Variants in IDUA observed in about 807,000 individuals in gnomAD.
IDUA encodes alpha-L-iduronidase.
Under a neutral mutation model 68.9 loss-of-function variants are expected in IDUA, and 65 were observed. That is an observed-to-expected ratio of 0.94 (90% CI 0.77 to 1.16). The LOEUF (loss-of-function observed/expected upper bound fraction) is 1.16, where lower values mean the gene tolerates loss of function less well. Ranked by LOEUF, IDUA falls within the 50% of genes most tolerant of loss-of-function variation. The pLI, the probability that IDUA is intolerant of heterozygous loss-of-function variation, is 0.00. For synonymous variants in IDUA, 529 were observed against 433.6 expected (o/e 1.22, Z -2.73); for missense variants, 1,046 against 938.0 (o/e 1.12, Z -1.50).
chr4:1,002,334 G>C lies in IDUA; in HGVS notation c.1038G>C (p.Leu346=), dbSNP rs758334375. 6.2e-7 allele frequency: 1 copy of C among 1,613,256 alleles called. No individual in the cohort carries two copies. Among genetic ancestry groups the C allele is most frequent in the South Asian group, 1.1e-5 (1 of 91,070 alleles). The change falls in exon 8 of 14, where the codon CTG becomes CTC. Residue 346 remains leucine (L), a synonymous_variant. Transcript: ENST00000514224. ...CCTCCGCCTTCCCCTACGCGCTCCT[G>C]AGCAACGACAATGCCTTCCTGAGCT... ...NTTSAFPYAL[L]SNDNAFLSYH...
chr4:999,188 G>C (rs1286955670), intron 2 of IDUA, among the ~76,000 whole-genome samples: 3 of 148,638 alleles, frequency 2.0e-5, no homozygotes, highest in Admixed American at 6.7e-5. Context: ...CTGGGCAACA[G>C]AGTGAGACTC....
Position 1,000,592 on chromosome 4 carries a change from C to T in IDUA, c.300-20C>T, listed in dbSNP as rs374050415. On this transcript the variant is annotated intron_variant, in intron 2 of 13. Coordinates refer to ENST00000514224, the MANE Select transcript of IDUA (RefSeq NM_000203.5). ...GCTGTGTGGGCACCCTGCTTCCTGA[C>T]GCTGACCGTCCTTCTGCAGGGGGTC... 167 of 1,599,622 alleles carry T rather than the reference C, an allele frequency of 1.0e-4. No homozygotes were observed. The highest frequency in any genetic ancestry group is 3.2e-4 in the South Asian group (29 of 90,780).
intron 2 of IDUA, among the ~76,000 whole-genome samples, chr4:996,958 C>T (rs1314762330): frequency 6.6e-6 from 1 of 151,036 alleles, no homozygotes; most frequent in Non-Finnish European, 1.5e-5. Context: ...TGCCTGAATC[C>T]GCCTCCCTCC....
chr4:990,753 C>G (rs1335544933), intron 2 of IDUA: 2 of 389,204 alleles, frequency 5.1e-6, no homozygotes, highest in Non-Finnish European at 9.3e-6. Flanking sequence ...CCAAGGTGGA[C>G]AGGCCAAGGC....
chr4:988,847 C>A (rs778948120), intron 2 of IDUA: 1 of 1,599,744 alleles, frequency 6.3e-7, no homozygotes, highest in Admixed American at 1.7e-5. Flanking sequence ...AGATGGGCAT[C>A]GGTGGCCTCC....
chr4:1,000,714 G>A lies in IDUA; in HGVS notation c.385+17G>A. ...TCCTCCCAGGTGAGCTGTGGGCTCT[G>A]CCCTCCCAGCCCGCCTGCACCCCCT... On this transcript the variant is annotated intron_variant, in intron 3 of 13. Transcript: ENST00000514224. 6.3e-7 allele frequency: 1 copy of A among 1,588,218 alleles called. No individual in the cohort carries two copies. The highest frequency in any genetic ancestry group is 8.6e-7 in the Non-Finnish European group (1 of 1,158,462).
chr4:996,121 C>T (rs1024793102), intron 2 of IDUA, among the ~76,000 whole-genome samples: 1 of 152,204 alleles, frequency 6.6e-6, no homozygotes, highest in Non-Finnish European at 1.5e-5. Flanking sequence ...GAGTCTGAGC[C>T]CTTGCTTCCA....
intron 2 of IDUA, among the ~76,000 whole-genome samples, chr4:999,066 G>C (rs551322111): frequency 6.6e-6 from 1 of 152,164 alleles, no homozygotes; most frequent in East Asian, 1.9e-4. Flanking sequence ...TTAGCCGGGC[G>C]TGGTGGCGGG....
At chr4:995,801 C>T (rs1473515041) in intron 2 of IDUA, among the ~76,000 whole-genome samples, 2 of 152,212 alleles carry the variant, frequency 1.3e-5, no homozygotes, top group African/African-American at 4.8e-5. Context: ...CCCCACAGCC[C>T]TGGGTGAGCC....
Position 1,002,496 on chromosome 4 carries a change from GC to G in IDUA, c.1189+13del. On this transcript the variant is annotated intron_variant, in intron 8 of 13. Coordinates refer to ENST00000514224, the MANE Select transcript of IDUA (RefSeq NM_000203.5). ...TGCTGGCGCTGCTGGGTGAGCCGGG[GC>G]CGCTGGGGTGGGCCGGCCAGGGCCC... 1.3e-6 allele frequency: 2 copies of G among 1,521,704 alleles called. No homozygotes were observed. Among genetic ancestry groups the G allele is most frequent in the South Asian group, 2.5e-5 (2 of 79,754 alleles). 94.3% of individuals were successfully genotyped at this position (1,521,704 alleles called of 1,614,324 possible). A position where few individuals can be genotyped will look rare whatever the true frequency, so the allele number is the denominator to read the frequency against.
intron 4 of IDUA, 70 bp downstream of exon 4, chr4:1,001,059 C>T (rs1008976697): frequency 1.9e-6 from 2 of 1,058,932 alleles, no homozygotes; most frequent in African/African-American, 1.6e-5. Flanking sequence ...ACCCCTATCA[C>T]GCAGGCTGCT....
chr4:998,406 C>A (rs1458746233), intron 2 of IDUA, among the ~76,000 whole-genome samples: 2 of 152,152 alleles, frequency 1.3e-5, no homozygotes, highest in Non-Finnish European at 2.9e-5. Context: ...GGGCCAGATT[C>A]CGGTCCATGG....
In IDUA at chr4:991,813, T is replaced by TGGGGCGGACCCCTCGCCCACCCA. The variant is rs748558229; in HGVS notation, c.299+3868_299+3890dup. The stretch of plus-strand genomic sequence containing the variant: ...AGGTCCCCGGCAGCAACGGGCCCCT[T>TGGGGCGGACCCCTCGCCCACCCA]GGGGCGGACCCCTCGCCCACCCAGG... On this transcript the variant is annotated intron_variant, in intron 2 of 13. Transcript: ENST00000514224. The TGGGGCGGACCCCTCGCCCACCCA allele has an allele frequency of 5.9e-6, 9 of 1,532,846 alleles. No individual in the cohort carries two copies. In the South Asian group the frequency reaches 1.1e-4, roughly 18 times the overall value. The allele number at this position is 1,532,846 out of a possible 1,614,324, so 95.0% of individuals were successfully genotyped here. A position where few individuals can be genotyped will look rare whatever the true frequency, so the allele number is the denominator to read the frequency against.
At chr4:997,340 C>T (rs1428658445) in intron 2 of IDUA, among the ~76,000 whole-genome samples, 1 of 151,046 alleles carries the variant, frequency 6.6e-6, no homozygotes, top group Non-Finnish European at 1.5e-5. Flanking sequence ...CCCCGCACTC[C>T]CACCCCCACC....
In IDUA at chr4:1,003,390, C is replaced by T. The variant is rs1022872293; in HGVS notation, c.1570C>T (p.Leu524=). ...APRPLPAGGR[L]TLRPALRLPS... ...CCGCCCCTTACCCGCCGGCGGCCGCCTGACCCTGCGCCCCGCGCTGCGGCT... is the reference window on the plus strand; with the variant it reads ...CCGCCCCTTACCCGCCGGCGGCCGCTTGACCCTGCGCCCCGCGCTGCGGCT... Residue 524 remains leucine (L), a synonymous_variant, in exon 11 of 14, where the codon CTG becomes TTG. Transcript: ENST00000514224. The T allele has an allele frequency of 4.0e-6, 6 of 1,508,712 alleles. No homozygotes were observed. Among genetic ancestry groups the T allele is most frequent in the Admixed American group, 4.2e-5 (2 of 47,912 alleles). 93.5% of individuals were successfully genotyped at this position (1,508,712 alleles called of 1,614,324 possible).
chr4:991,179 G>C (rs1254839573), intron 2 of IDUA: 1 of 1,582,660 alleles, frequency 6.3e-7, no homozygotes, highest in South Asian at 1.2e-5. Context: ...GGATGGCGTA[G>C]CAGTCACGCC....
In IDUA at chr4:1,002,500, C is replaced by T. The variant is rs2153022459; in HGVS notation, c.1189+15C>T. 9 of 1,511,994 alleles carry T rather than the reference C, an allele frequency of 6.0e-6. No individual in the cohort carries two copies. The East Asian group carries it at 2.0e-4, about 34-fold the overall frequency. The allele number at this position is 1,511,994 out of a possible 1,614,324, so 93.7% of individuals were successfully genotyped here. ...GGCGCTGCTGGGTGAGCCGGGGCCGCTGGGGTGGGCCGGCCAGGGCCCTCC... is the reference window on the plus strand; with the variant it reads ...GGCGCTGCTGGGTGAGCCGGGGCCGTTGGGGTGGGCCGGCCAGGGCCCTCC... On this transcript the variant is annotated intron_variant, in intron 8 of 13. Coordinates refer to ENST00000514224, the MANE Select transcript of IDUA (RefSeq NM_000203.5).
chr4:1,003,270 G>T, intron 10 of IDUA, 75 bp from the exon 11 acceptor site: 1 of 1,351,446 alleles, frequency 7.4e-7, no homozygotes, highest in South Asian at 1.8e-5. Context: ...GGTGGGCCGG[G>T]GGCGTTCGCC....
intron 2 of IDUA, chr4:991,952 T>TTGGTGTCG: frequency 1.2e-6 from 1 of 819,858 alleles, no homozygotes; most frequent in Non-Finnish European, 2.0e-6. Flanking sequence ...TGAGATGGGA[T>TTGGTGTCG]TACGACACCA....
Sources: allele counts gnomAD v4.1 joint callset (sites outside exome capture counted in the v4.1 genomes callset), GRCh38; gene constraint gnomAD v4.1.1; transcripts MANE v1.5; gene names NCBI Gene and HGNC (gene_info 2026-07-23, HGNC 2026-07-21).